Variants in CDH12 observed in about 807,000 individuals in gnomAD.
The protein encoded by CDH12 is cadherin-12.
Under a neutral mutation model 74.1 loss-of-function variants are expected in CDH12, and 41 were observed. The observed-to-expected ratio is 0.55, with a 90% CI of 0.43 to 0.72. The LOEUF (loss-of-function observed/expected upper bound fraction) is 0.72. Ranked by LOEUF, CDH12 falls within the 30% of genes least tolerant of loss-of-function variation. The pLI, the probability that CDH12 is intolerant of heterozygous loss-of-function variation, is 0.00. For missense variants in CDH12, 945 were observed against 977.2 expected, an observed-to-expected ratio of 0.97 and a Z score of 0.44; for synonymous variants, 399 against 355.0, an observed-to-expected ratio of 1.12 and a Z score of -1.39.
At chr5:22,516,717 C>T (rs1330701749) in intron 1 of CDH12, among the ~76,000 whole-genome samples, 2 of 152,020 alleles carry the variant, frequency 1.3e-5, no homozygotes, top group Non-Finnish European at 2.9e-5. Context: ...ATGACTTGAG[C>T]CCGGGAAGTT....
chr5:22,802,832 T>G (rs1163582593), intron 1 of CDH12, among the ~76,000 whole-genome samples: 2 of 152,216 alleles, frequency 1.3e-5, no homozygotes, highest in Admixed American at 6.5e-5. Context: ...CTAAGCAATC[T>G]GTTGAGAGCC....
At chr5:22,275,135 G>C (rs1361933634) in intron 3 of CDH12, among the ~76,000 whole-genome samples, 1 of 152,106 alleles carries the variant, frequency 6.6e-6, no homozygotes, top group Non-Finnish European at 1.5e-5. Flanking sequence ...CAGGAGGTCA[G>C]GGGCAAGGGA....
At chr5:22,633,940 C>T (rs959198351) in intron 1 of CDH12, among the ~76,000 whole-genome samples, 7 of 151,682 alleles carry the variant, frequency 4.6e-5, no homozygotes, top group African/African-American at 7.3e-5. Flanking sequence ...TATATTAGCA[C>T]GTAAATGAAC....
chr5:22,055,138 A>T (rs920722709), intron 5 of CDH12, among the ~76,000 whole-genome samples: 2 of 152,190 alleles, frequency 1.3e-5, no homozygotes, highest in Non-Finnish European at 2.9e-5. Flanking sequence ...CTAGCCTTGG[A>T]AAATTAGTAG....
At chr5:21,838,870 A>G (rs1749684922) in intron 8 of CDH12, among the ~76,000 whole-genome samples, 1 of 152,174 alleles carries the variant, frequency 6.6e-6, no homozygotes, top group African/African-American at 2.4e-5. Flanking sequence ...TCTACAAACC[A>G]GCCTTCATCC....
At chr5:22,733,061 A>G (rs1744513516) in intron 1 of CDH12, among the ~76,000 whole-genome samples, 1 of 151,986 alleles carries the variant, frequency 6.6e-6, no homozygotes, top group African/African-American at 2.4e-5. Context: ...AACAAGAGTC[A>G]TTGAGAAATG....
intron 1 of CDH12, among the ~76,000 whole-genome samples, chr5:22,599,761 T>A (rs1203488540): frequency 6.6e-6 from 1 of 152,182 alleles, no homozygotes; most frequent in Non-Finnish European, 1.5e-5. Flanking sequence ...TATTTATGTA[T>A]CAAATTGAAA....
At chr5:22,810,738 G>A (rs536971876) in intron 1 of CDH12, among the ~76,000 whole-genome samples, 4 of 151,940 alleles carry the variant, frequency 2.6e-5, no homozygotes, top group Admixed American at 2.6e-4. Context: ...AAATTAACCG[G>A]GCCAGTGGTA....
chr5:22,717,526 G>T (rs145046270), intron 1 of CDH12, among the ~76,000 whole-genome samples: 2 of 152,280 alleles, frequency 1.3e-5, no homozygotes, highest in East Asian at 3.9e-4. Context: ...TGGCATATCT[G>T]TATAGGCAAG....
intron 2 of CDH12, among the ~76,000 whole-genome samples, chr5:22,462,781 CA>C (rs752653682): frequency 1.3e-5 from 2 of 152,014 alleles, no homozygotes; most frequent in Non-Finnish European, 2.9e-5. Context: ...TAGTGAAAGT[CA>C]GAAAAAAGTA....
intron 2 of CDH12, among the ~76,000 whole-genome samples, chr5:22,489,690 CTTTTTTTTTTT>C (rs753962922): frequency 8.3e-6 from 1 of 120,660 alleles, no homozygotes; most frequent in Non-Finnish European, 1.7e-5. Flanking sequence ...TGCAGTGTAA[CTTTTTTTTTTT>C]TTTTTTTTTT....
In CDH12 at chr5:22,664,488, G is replaced by C. The variant is rs957372165; in HGVS notation, c.-522-159124C>G. 2.6e-5 allele frequency among the ~76,000 whole-genome samples: 4 copies of C among 152,110 alleles called. No homozygotes were observed. In the South Asian group the frequency reaches 8.3e-4, roughly 32 times the overall value. ...TCACGAGAAGAGCATGGGGAAAACT[G>C]CCCCTGTGATTCAATTATCTCCACC... On this transcript the variant is annotated intron_variant, in intron 1 of 14. Coordinates refer to ENST00000382254, the MANE Select transcript of CDH12 (RefSeq NM_004061.5).
chr5:21,760,698 G>A lies in CDH12; in HGVS notation c.1516-23C>T, dbSNP rs755835790. On this transcript the variant is annotated intron_variant, in intron 12 of 14. Coordinates refer to ENST00000382254, the MANE Select transcript of CDH12 (RefSeq NM_004061.5). ...TATCTGCAACAGAGTTGAGATTAAAGTCGGTCATCAGTTTCAAAGAGGACT... is the reference window on the plus strand; with the variant it reads ...TATCTGCAACAGAGTTGAGATTAAAATCGGTCATCAGTTTCAAAGAGGACT... The A allele has an allele frequency of 2.9e-6, 4 of 1,392,746 alleles. No homozygotes were observed. In the African/African-American group the frequency reaches 4.2e-5, roughly 15 times the overall value. 86.3% of individuals were successfully genotyped at this position (1,392,746 alleles called of 1,614,324 possible). A position where few individuals can be genotyped will look rare whatever the true frequency, so the allele number is the denominator to read the frequency against.
chr5:22,777,721 T>C (rs1315756779), intron 1 of CDH12, among the ~76,000 whole-genome samples: 1 of 152,168 alleles, frequency 6.6e-6, no homozygotes. Flanking sequence ...ATTATAAATT[T>C]TGATTGCATT....
chr5:21,856,876 G>A (rs1416510506), intron 6 of CDH12, among the ~76,000 whole-genome samples: 1 of 151,758 alleles, frequency 6.6e-6, no homozygotes, highest in Non-Finnish European at 1.5e-5. Flanking sequence ...AAAAGTAATT[G>A]TCCACTGAAT....
At chr5:22,841,711 G>C (rs1182171584) in intron 1 of CDH12, among the ~76,000 whole-genome samples, 2 of 152,148 alleles carry the variant, frequency 1.3e-5, no homozygotes, top group African/African-American at 4.8e-5. Context: ...CAGTCATGTG[G>C]GCATCTGAAA....
At chr5:21,938,899 A>G (rs1335116756) in intron 6 of CDH12, among the ~76,000 whole-genome samples, 1 of 150,808 alleles carries the variant, frequency 6.6e-6, no homozygotes, top group Admixed American at 6.6e-5. Flanking sequence ...ACCCAATTGA[A>G]AATGCATGGA....
At chr5:22,825,818 C>G (rs372493408) in intron 1 of CDH12, among the ~76,000 whole-genome samples, 1 of 152,048 alleles carries the variant, frequency 6.6e-6, no homozygotes, top group African/African-American at 2.4e-5. Context: ...TGTTAAAGAC[C>G]AAATACTGGT....
In CDH12 at chr5:21,992,637, TA is replaced by T. The variant is rs4028694; in HGVS notation, c.232-17253del. Reference sequence around the variant, plus strand: ...CATAGAGGTGCATTATTTCCGAGATTAAAAAAAAATTAGTTTTCTTACTGAT... The same window carrying T: ...CATAGAGGTGCATTATTTCCGAGATTAAAAAAAATTAGTTTTCTTACTGAT... On this transcript the variant is annotated intron_variant, in intron 5 of 14. Transcript: ENST00000382254. 2.4e-3 allele frequency among the ~76,000 whole-genome samples: 359 copies of T among 151,638 alleles called. 4 individuals carry two copies. The highest frequency in any genetic ancestry group is 8.1e-3 in the African/African-American group (337 of 41,386).
Sources: allele counts gnomAD v4.1 joint callset (sites outside exome capture counted in the v4.1 genomes callset), GRCh38; gene constraint gnomAD v4.1.1; transcripts MANE v1.5; gene names NCBI Gene and HGNC (gene_info 2026-07-23, HGNC 2026-07-21).